The following STK31 variants were observed in gnomAD, a reference collection of about 807,000 sequenced individuals.
The protein encoded by STK31 is serine/threonine-protein kinase 31.
STK31 carries 89 observed loss-of-function variants against 129.7 expected under a neutral mutation model. The observed-to-expected ratio is 0.69, with a 90% CI of 0.58 to 0.82. The LOEUF (loss-of-function observed/expected upper bound fraction) is 0.82, where lower values mean the gene tolerates loss of function less well. STK31 is among the 40% of genes least tolerant of loss of function. The probability of loss-of-function intolerance (pLI) is 0.00; values close to 1 mark genes in which losing one functional copy is unlikely to be tolerated. For synonymous variants in STK31, 448 were observed against 395.3 expected (o/e 1.13, Z -1.58); for missense variants, 1,187 against 1,176.4 (o/e 1.01, Z -0.13).
At chr7:23,804,520 CCT>C (rs1310016377) in intron 22 of STK31, among the ~76,000 whole-genome samples, 3 of 152,036 alleles carry the variant, frequency 2.0e-5, no homozygotes, top group Non-Finnish European at 4.4e-5. Flanking sequence ...ATGTTTTTTT[CCT>C]GAGTTCATTT....
At chr7:23,790,399 A>G (rs1327595373) in intron 21 of STK31, among the ~76,000 whole-genome samples, 1 of 152,246 alleles carries the variant, frequency 6.6e-6, no homozygotes, top group African/African-American at 2.4e-5. Flanking sequence ...GTCACTGATC[A>G]TCTTTGACAT....
chr7:23,749,862 G>A (rs2128090682), intron 8 of STK31, among the ~76,000 whole-genome samples: 1 of 152,174 alleles, frequency 6.6e-6, no homozygotes, highest in East Asian at 1.9e-4. Context: ...AGGTGGGATA[G>A]GATGGCTAGA....
In STK31 at chr7:23,772,210, A is replaced by G. The variant is rs1245083481; in HGVS notation, c.1897A>G (p.Lys633Glu). ...CAGTGTGGATCACTTGCTATCCATT[A>G]AGAAGACATTGAAAAGCTTAAAAGC... ...SPSVDHLLSIKKTLKSLKALL... is the reference protein window; with the variant it reads ...SPSVDHLLSIEKTLKSLKALL... The change falls in exon 15 of 24, where the codon AAG (lysine) becomes GAG (glutamate). Residue 633 changes from lysine to glutamate, a missense_variant. Transcript: ENST00000355870. 1 of 1,607,626 alleles carries G rather than the reference A, an allele frequency of 6.2e-7. No homozygotes were observed. The highest frequency in any genetic ancestry group is 1.3e-5 in the African/African-American group (1 of 74,618).
At chr7:23,761,023 A>G (rs35607606) in intron 10 of STK31, among the ~76,000 whole-genome samples, 22,128 of 152,146 alleles carry the variant, frequency 0.15, 1,681 homozygotes, top group Admixed American at 0.18. Flanking sequence ...AGCAAAGCCT[A>G]TTGTTTTTCC....
At chr7:23,772,366 C>T in intron 15 of STK31, 88 bp downstream of exon 15, 1 of 1,327,490 alleles carries the variant, frequency 7.5e-7, no homozygotes, top group Non-Finnish European at 1.0e-6. Flanking sequence ...TAAATACACT[C>T]TTTACAATAA....
chr7:23,798,080 A>G lies in STK31; in HGVS notation c.2760+7134A>G, dbSNP rs777181392. 7.9e-5 allele frequency among the ~76,000 whole-genome samples: 12 copies of G among 152,194 alleles called. No individual in the cohort carries two copies. The South Asian group carries it at 2.5e-3, about 32-fold the overall frequency. Reference sequence around the variant, plus strand: ...AGTCGAATCCCTGAATAGACCAACAATAAGTTCTGAAATTGAGGCAGTTAT... The same window carrying G: ...AGTCGAATCCCTGAATAGACCAACAGTAAGTTCTGAAATTGAGGCAGTTAT... On this transcript the variant is annotated intron_variant, in intron 22 of 23. Transcript: ENST00000355870.
At chr7:23,726,311 C>G (rs1787066853) in intron 4 of STK31, 1 of 151,720 alleles carries the variant, frequency 6.6e-6, no homozygotes. Flanking sequence ...CAGAGGACAG[C>G]CCCACTCTGC....
intron 17 of STK31, among the ~76,000 whole-genome samples, chr7:23,784,098 G>T (rs1301114535): frequency 6.6e-6 from 1 of 152,108 alleles, no homozygotes; most frequent in Non-Finnish European, 1.5e-5. Flanking sequence ...GTTGAGGTGG[G>T]TATGGTTTTC....
intron 8 of STK31, among the ~76,000 whole-genome samples, chr7:23,740,364 A>G (rs1204399181): frequency 1.3e-5 from 2 of 152,196 alleles, no homozygotes; most frequent in African/African-American, 2.4e-5. Flanking sequence ...TTTTGACATC[A>G]TAACAGCTGA....
At chr7:23,750,919 A>G (rs1290418356) in intron 8 of STK31, among the ~76,000 whole-genome samples, 1 of 152,208 alleles carries the variant, frequency 6.6e-6, no homozygotes, top group East Asian at 1.9e-4. Context: ...TTTGAAATAT[A>G]CAATACATCA....
upstream of STK31, chr7:23,710,196 C>A: frequency 6.3e-7 from 1 of 1,599,894 alleles, no homozygotes; most frequent in Admixed American, 1.7e-5. Flanking sequence ...GCGCTGTGCA[C>A]GCAGGCGCAG....
intron 8 of STK31, among the ~76,000 whole-genome samples, chr7:23,741,333 C>T (rs550877753): frequency 6.6e-6 from 1 of 152,210 alleles, no homozygotes; most frequent in Non-Finnish European, 1.5e-5. Flanking sequence ...TTGCTTTAGT[C>T]TTTGCTTCTA....
In STK31 at chr7:23,754,429, A is replaced by G; in HGVS notation, c.1248A>G (p.Ala416=). ...TGAATGGATTAGAGATAATATGGGC[A>G]GAATACAGTCTGGCTCAGGAGAATA... ...ASLNGLEIIW[A]EYSLAQENIK... Residue 416 remains alanine (A), a synonymous_variant, in exon 10 of 24, where the codon GCA becomes GCG. Transcript: ENST00000355870. 6.2e-7 allele frequency: 1 copy of G among 1,614,028 alleles called. No individual in the cohort carries two copies.
At chr7:23,729,646 A>G (rs1787285249) in intron 6 of STK31, among the ~76,000 whole-genome samples, 2 of 151,666 alleles carry the variant, frequency 1.3e-5, no homozygotes, top group South Asian at 4.2e-4. Flanking sequence ...GAATAGCTGG[A>G]TTACAGGCCT....
chr7:23,790,702 A>C (rs886838434), intron 21 of STK31, 122 bp from the exon 22 acceptor site: 1 of 1,007,328 alleles, frequency 9.9e-7, no homozygotes, highest in African/African-American at 1.7e-5. Context: ...AAAATATTTG[A>C]AAGCAAGGGA....
At chr7:23,734,826 G>A (rs1407178673) in intron 6 of STK31, among the ~76,000 whole-genome samples, 1 of 152,130 alleles carries the variant, frequency 6.6e-6, no homozygotes, top group African/African-American at 2.4e-5. Flanking sequence ...TTAGGCAGGT[G>A]TGGTGGTGTG....
At chr7:23,781,635 T>C (rs1325752936) in intron 16 of STK31, 115 bp downstream of exon 16, 10 of 644,534 alleles carry the variant, frequency 1.6e-5, no homozygotes, top group Non-Finnish European at 2.3e-5. Context: ...ATATAGAAAG[T>C]TTATATATAT....
At chr7:23,741,731 C>G (rs934707080) in intron 8 of STK31, among the ~76,000 whole-genome samples, 1 of 152,134 alleles carries the variant, frequency 6.6e-6, no homozygotes, top group Non-Finnish European at 1.5e-5. Context: ...GGGTGGGGCC[C>G]CTCTCAGGTG....
chr7:23,768,623 A>T (rs1244590951), intron 11 of STK31, among the ~76,000 whole-genome samples: 1 of 152,186 alleles, frequency 6.6e-6, no homozygotes. Context: ...CATTTGGATG[A>T]TAGATACACT....
Sources: allele counts gnomAD v4.1 joint callset (sites outside exome capture counted in the v4.1 genomes callset), GRCh38; gene constraint gnomAD v4.1.1; transcripts MANE v1.5; gene names NCBI Gene and HGNC (gene_info 2026-07-23, HGNC 2026-07-21).